The following SLC35B1 variants were observed in gnomAD, a reference collection of about 807,000 sequenced individuals.
The protein encoded by SLC35B1 is solute carrier family 35 member B1, also known as ATP/ADP exchanger ER.
Under a neutral mutation model 36.6 loss-of-function variants are expected in SLC35B1, and 27 were observed. The ratio of observed to expected loss-of-function variants is 0.74; its 90% CI spans 0.54 to 1.02. The LOEUF is 1.02. SLC35B1 is among the 50% of genes least tolerant of loss of function. The probability of loss-of-function intolerance (pLI) is 0.00; values close to 1 mark genes in which losing one functional copy is unlikely to be tolerated. For missense variants in SLC35B1, 321 were observed against 383.2 expected (o/e 0.84, Z 1.35); for synonymous variants, 162 against 152.5 (o/e 1.06, Z -0.46).
chr17:49,705,719 AG>A (rs2073407350), intron 4 of SLC35B1, 146 bp downstream of exon 4: 3 of 773,338 alleles, frequency 3.9e-6, no homozygotes, highest in Non-Finnish European at 6.8e-6. Context: ...CACAGATGAC[AG>A]GATGGGCAGC....
At position 49,707,175 on chromosome 17, in the gene SLC35B1, G is replaced by A. The variant is rs1286703428; in HGVS notation, c.105-107C>T. 6.0e-6 allele frequency: 8 copies of A among 1,329,182 alleles called. No homozygotes were observed. The Admixed American group carries it at 1.3e-4, about 22-fold the overall frequency. The allele number at this position is 1,329,182 out of a possible 1,614,324, so 82.3% of individuals were successfully genotyped here. On this transcript the variant is annotated intron_variant, in intron 1 of 8. Transcript: ENST00000240333. ...AACTTTAAAATTATCTTGCCTCTCT[G>A]GATGTAGGCAGAGTTTGTTAAGGAC...
chr17:49,705,983 C>T, intron 3 of SLC35B1, 87 bp from the exon 4 acceptor site: 2 of 1,417,866 alleles, frequency 1.4e-6, no homozygotes, highest in Middle Eastern at 1.8e-4. Context: ...GATGAGTAAG[C>T]ACAGGGCCTG....
chr17:49,704,591 G>C (rs2073393248), intron 5 of SLC35B1, among the ~76,000 whole-genome samples: 1 of 152,152 alleles, frequency 6.6e-6, no homozygotes, highest in African/African-American at 2.4e-5. Flanking sequence ...TAGGCTGCCT[G>C]GATTGGAATC....
At position 49,706,986 on chromosome 17, in the gene SLC35B1, T is replaced by C. The variant is rs2073426899; in HGVS notation, c.187A>G (p.Asn63Asp). ...LTLVFIQCVI[N>D]AVFAKILIQF... ...TCACAGATCTTGGCAAACACAGCATTGATCACACATTGAATGAAGACCAAA... is the reference window on the plus strand; with the variant it reads ...TCACAGATCTTGGCAAACACAGCATCGATCACACATTGAATGAAGACCAAA... Residue 63 changes from asparagine (N) to aspartate (D), a missense_variant, in exon 2 of 9, where the codon AAT becomes GAT. Asn to Asp is a conservative substitution (Grantham distance 23, BLOSUM62 1). Coordinates refer to ENST00000240333, the MANE Select transcript of SLC35B1 (RefSeq NM_005827.4). 3 of 1,613,940 alleles carry C rather than the reference T, an allele frequency of 1.9e-6. No homozygotes were observed. The highest frequency in any genetic ancestry group is 2.5e-6 in the Non-Finnish European group (3 of 1,179,846).
chr17:49,706,906 G>T, intron 2 of SLC35B1, 59 bp downstream of exon 2: 1 of 1,205,900 alleles, frequency 8.3e-7, no homozygotes, highest in Non-Finnish European at 1.2e-6. Flanking sequence ...TTAATGCCCA[G>T]CATACTGAGG....
At chr17:49,705,962 G>GCACTGATT in intron 3 of SLC35B1, 66 bp from the exon 4 acceptor site, 1 of 1,503,152 alleles carries the variant, frequency 6.7e-7, no homozygotes, top group Non-Finnish European at 9.3e-7. Context: ...GCTAGGTACC[G>GCACTGATT]CACTGATTAA....
In SLC35B1 at chr17:49,707,763, C is replaced by A; in HGVS notation, c.71G>T (p.Cys24Phe). 2.5e-6 allele frequency: 4 copies of A among 1,612,068 alleles called. No individual in the cohort carries two copies. The highest frequency in any genetic ancestry group is 3.4e-6 in the Non-Finnish European group (4 of 1,179,862). The stretch of plus-strand genomic sequence containing the variant: ...CTGCAGGATCCCATAGTAAAAATAG[C>A]AGACAAAGACACCCAGGAAGCAGAG... Reference protein sequence around the residue: ...LPLCFLGVFVCYFYYGILQEK... With the variant: ...LPLCFLGVFVFYFYYGILQEK... Residue 24 changes from cysteine to phenylalanine, a missense_variant, in exon 1 of 9, where the codon TGC (cysteine) becomes TTC (phenylalanine). By Grantham distance (205) the Cys-to-Phe change is radical. Coordinates refer to ENST00000240333, the MANE Select transcript of SLC35B1 (RefSeq NM_005827.4).
Position 49,703,008 on chromosome 17 carries a change from A to G in SLC35B1, c.766T>C (p.Phe256Leu), listed in dbSNP as rs1390373059. ...FGLTSALGQS[F>L]IFMTVVYFGP... is the part of the protein sequence containing the mutation. ...AAATACACAACCGTCATAAAGATGA[A>G]GCTCTAGAGAAAGATAAAGGTGAGG... The change falls in exon 8 of 9, where the codon TTC becomes CTC. Residue 256 changes from phenylalanine (F) to leucine (L), a missense_variant. Coordinates refer to ENST00000240333, the MANE Select transcript of SLC35B1 (RefSeq NM_005827.4). 13 of 1,614,106 alleles carry G rather than the reference A, an allele frequency of 8.1e-6. No homozygotes were observed. Among genetic ancestry groups the G allele is most frequent in the Non-Finnish European group, 9.3e-6 (11 of 1,180,018 alleles).
chr17:49,703,265 A>T lies in SLC35B1; in HGVS notation c.685T>A (p.Phe229Ile), dbSNP rs777738866. Residue 229 changes from phenylalanine (F) to isoleucine (I), a missense_variant, in exon 7 of 9, where the codon TTC becomes ATC. Transcript: ENST00000240333. ...GGGTACCTTTCAGCAAAGCTCAAGA[A>T]CTCCCAGAGCTCCCCAGTGAACAGG... Reference protein sequence around the residue: ...GILFTGELWEFLSFAERYPAI... With the variant: ...GILFTGELWEILSFAERYPAI... The T allele has an allele frequency of 8.1e-6, 13 of 1,613,480 alleles. No individual in the cohort carries two copies. In the Admixed American group the frequency reaches 2.2e-4, roughly 27 times the overall value.
intron 3 of SLC35B1, 82 bp downstream of exon 3, chr17:49,706,122 T>TTTAAAAAAA: frequency 8.1e-7 from 1 of 1,239,702 alleles, no homozygotes; most frequent in Non-Finnish European, 1.1e-6. Context: ...TTTTTTTTTT[T>TTTAAAAAAA]AACTCACAGA....
intron 3 of SLC35B1, 116 bp downstream of exon 3, chr17:49,706,088 T>C (rs2073412079): frequency 2.2e-6 from 3 of 1,390,802 alleles, no homozygotes; most frequent in Non-Finnish European, 2.9e-6. Context: ...CCCAATGTCT[T>C]ACAGGACCGT....
chr17:49,703,333 G>T, intron 6 of SLC35B1, 39 bp from the exon 7 acceptor site: 1 of 1,294,342 alleles, frequency 7.7e-7, no homozygotes, highest in Non-Finnish European at 1.1e-6. Flanking sequence ...CGCATTTTGT[G>T]CACACAAAAT....
chr17:49,703,199 C>A lies in SLC35B1; in HGVS notation c.751G>T (p.Ala251Ser). ...TTTCAAGCACTCACCTGACCCAGGG[C>A]ACTGGTCAGCCCAAAGAGCAGGATG... Reference protein sequence around the residue: ...YNILLFGLTSALGQSFIFMTV... With the variant: ...YNILLFGLTSSLGQSFIFMTV... The change falls in exon 7 of 9, where the codon GCC (alanine) becomes TCC (serine). Residue 251 changes from alanine (A) to serine (S), a missense_variant. Ala to Ser is a moderately conservative substitution (Grantham distance 99, BLOSUM62 1). Transcript: ENST00000240333. 1 of 1,613,258 alleles carries A rather than the reference C, an allele frequency of 6.2e-7. No individual in the cohort carries two copies. The highest frequency in any genetic ancestry group is 8.5e-7 in the Non-Finnish European group (1 of 1,179,248).
chr17:49,706,491 G>T, intron 2 of SLC35B1, 157 bp from the exon 3 acceptor site: 1 of 688,298 alleles, frequency 1.5e-6, no homozygotes, highest in Non-Finnish European at 2.2e-6. Context: ...TTTCTGTCCT[G>T]TTACACTGGG....
At chr17:49,704,480 G>T (rs2073392085) in intron 5 of SLC35B1, among the ~76,000 whole-genome samples, 1 of 149,124 alleles carries the variant, frequency 6.7e-6, no homozygotes. Flanking sequence ...TCAGAGTAGA[G>T]CAGGAAGCTC....
intron 6 of SLC35B1, 129 bp downstream of exon 6, chr17:49,703,971 T>G: frequency 7.8e-7 from 1 of 1,274,442 alleles, no homozygotes; most frequent in Admixed American, 1.9e-5. Flanking sequence ...CTCAAGGGCT[T>G]GAACAAAAGG....
In SLC35B1 at chr17:49,703,040, G is replaced by A. The variant is rs74693271; in HGVS notation, c.763-29C>T. On this transcript the variant is annotated intron_variant, in intron 7 of 8. Transcript: ENST00000240333. ...GAGAAAGATAAAGGTGAGGTCCGGT[G>A]GGCTTCTGGGTATCTGCCATTGGTC... 2,365 of 1,613,404 alleles carry A rather than the reference G, an allele frequency of 1.5e-3. 14 individuals are homozygous for A. The African/African-American group carries it at 0.024, about 16-fold the overall frequency.
rs1598006488 is a variant in SLC35B1 at position 49,701,266 on chromosome 17, G to A, written c.*192C>T. Reference sequence around the variant, plus strand: ...ACCATAGACTGCTCCAGGGCATGAAGAACAAAAACCACCACTCTGTCTTGT... The same window carrying A: ...ACCATAGACTGCTCCAGGGCATGAAAAACAAAAACCACCACTCTGTCTTGT... On this transcript the variant is annotated 3_prime_UTR_variant, in exon 9 of 9. Transcript: ENST00000240333. 1 of 564,090 alleles carries A rather than the reference G, an allele frequency of 1.8e-6. No individual in the cohort carries two copies. The highest frequency in any genetic ancestry group is 3.2e-6 in the Non-Finnish European group (1 of 315,430). The allele number at this position is 564,090 out of a possible 1,614,324, so 34.9% of individuals were successfully genotyped here. A position where few individuals can be genotyped will look rare whatever the true frequency, so the allele number is the denominator to read the frequency against.
chr17:49,707,896 G>C lies in SLC35B1; in HGVS notation c.-63C>G. On this transcript the variant is annotated 5_prime_UTR_variant, in exon 1 of 9. Coordinates refer to ENST00000240333, the MANE Select transcript of SLC35B1 (RefSeq NM_005827.4). Reference sequence around the variant, plus strand: ...ACCGGCACCGGCAGCAGCGGCGGCGGAGGCGACAGCTCCAGCCGGACATCG... The same window carrying C: ...ACCGGCACCGGCAGCAGCGGCGGCGCAGGCGACAGCTCCAGCCGGACATCG... 1 of 1,598,368 alleles carries C rather than the reference G, an allele frequency of 6.3e-7. No individual in the cohort carries two copies. Among genetic ancestry groups the C allele is most frequent in the Non-Finnish European group, 8.5e-7 (1 of 1,173,324 alleles).
Sources: gnomAD v4.1 joint callset for allele counts (sites outside exome capture counted in the v4.1 genomes callset) on GRCh38, gnomAD v4.1.1 for gene constraint, MANE v1.5 for transcripts, NCBI Gene and HGNC (gene_info 2026-07-23, HGNC 2026-07-21) for gene names.